The following ZNF536 variants were observed in gnomAD, a reference collection of about 807,000 sequenced individuals.
ZNF536 encodes zinc finger protein 536.
Under a neutral mutation model 84.5 loss-of-function variants are expected in ZNF536, and 13 were observed. The observed-to-expected ratio is 0.15, with a 90% confidence interval of 0.10 to 0.24. The LOEUF (loss-of-function observed/expected upper bound fraction) is 0.24, where lower values mean the gene tolerates loss of function less well. Ranked by LOEUF, ZNF536 falls within the 10% of genes least tolerant of loss-of-function variation. The pLI is 1.00. For missense variants in ZNF536, 1,536 were observed against 1,747.5 expected (o/e 0.88, Z 2.16); for synonymous variants, 811 against 742.5 (o/e 1.09, Z -1.50).
intron 1 of ZNF536, among the ~76,000 whole-genome samples, chr19:30,679,258 C>A (rs2050874167): frequency 6.6e-6 from 1 of 152,192 alleles, no homozygotes; most frequent in Non-Finnish European, 1.5e-5. Flanking sequence ...TCAATAGCTG[C>A]TTTCCCTTAA....
intron 2 of ZNF536, among the ~76,000 whole-genome samples, chr19:30,446,077 A>G (rs959586758): frequency 1.3e-5 from 2 of 151,824 alleles, no homozygotes; most frequent in African/African-American, 2.4e-5. Context: ...GAGAAACCCC[A>G]TCTCTACTAA....
intron 1 of ZNF536, among the ~76,000 whole-genome samples, chr19:30,255,048 C>T (rs763802932): frequency 1.3e-5 from 2 of 152,130 alleles, no homozygotes; most frequent in Non-Finnish European, 2.9e-5. Flanking sequence ...CTCGGCTTAG[C>T]CTCTAGTGGG....
intron 2 of ZNF536, among the ~76,000 whole-genome samples, chr19:30,510,663 T>C (rs539079718): frequency 6.6e-6 from 1 of 152,186 alleles, no homozygotes; most frequent in Non-Finnish European, 1.5e-5. Flanking sequence ...TCCTCTATGG[T>C]TGCAAGGAAG....
At chr19:30,617,333 C>CCTTTTTTTTT (rs869192494) in intron 1 of ZNF536, among the ~76,000 whole-genome samples, 2 of 37,710 alleles carry the variant, frequency 5.3e-5, no homozygotes, top group Non-Finnish European at 1.2e-4. Context: ...GAATAGCTTA[C>CCTTTTTTTTT]TTTTTTTTTT....
At chr19:30,348,632 G>A (rs1165061517) in intron 2 of ZNF536, among the ~76,000 whole-genome samples, 1 of 152,098 alleles carries the variant, frequency 6.6e-6, no homozygotes. Flanking sequence ...TCCAGGGCTG[G>A]GACATGAAAG....
chr19:30,545,754 A>G (rs531814473), intron 3 of ZNF536, among the ~76,000 whole-genome samples: 31 of 152,246 alleles, frequency 2.0e-4, no homozygotes, highest in Admixed American at 2.0e-4. Flanking sequence ...TCCTCTGTGC[A>G]TCCCCACAGT....
At chr19:30,227,312 T>C (rs572832412), upstream of ZNF536, among the ~76,000 whole-genome samples, 10 of 152,218 alleles carry the variant, frequency 6.6e-5, no homozygotes, top group South Asian at 2.1e-3. Context: ...ACTGTGTGCC[T>C]GTTGGAGAAC....
At chr19:30,703,634 C>T (rs988102695) in intron 1 of ZNF536, among the ~76,000 whole-genome samples, 4 of 152,310 alleles carry the variant, frequency 2.6e-5, no homozygotes, top group African/African-American at 9.6e-5. Context: ...GCAGGAAGCA[C>T]AGGACAGTGG....
chr19:30,575,070 G>T (rs189612591), intron 1 of ZNF536, among the ~76,000 whole-genome samples: 4 of 152,170 alleles, frequency 2.6e-5, no homozygotes, highest in South Asian at 4.1e-4. Flanking sequence ...CTGTGCAGGG[G>T]ATTACTGAGT....
chr19:30,499,662 C>T (rs758920883), intron 2 of ZNF536, among the ~76,000 whole-genome samples: 138 of 152,282 alleles, frequency 9.1e-4, no homozygotes, highest in Non-Finnish European at 1.7e-3. Context: ...TGTCTTAATA[C>T]GTTTCAAAAT....
intron 1 of ZNF536, among the ~76,000 whole-genome samples, chr19:30,649,942 AT>A (rs2049636186): frequency 6.6e-6 from 1 of 152,098 alleles, no homozygotes; most frequent in Non-Finnish European, 1.5e-5. Context: ...GGAATTGTAG[AT>A]TAGAGACTTT....
intron 2 of ZNF536, chr19:30,296,236 C>A (rs909808017): frequency 1.3e-5 from 2 of 152,448 alleles, no homozygotes; most frequent in East Asian, 3.9e-4. Context: ...AGTAGGATTC[C>A]CTGATTGGTA....
intron 1 of ZNF536, among the ~76,000 whole-genome samples, chr19:30,564,894 C>T (rs1373940431): frequency 1.3e-5 from 2 of 152,108 alleles, no homozygotes; most frequent in Non-Finnish European, 2.9e-5. Flanking sequence ...CCTGCCTGGG[C>T]TCGGCGGGGC....
At chr19:30,469,832 G>A (rs1037499263) in intron 2 of ZNF536, among the ~76,000 whole-genome samples, 9 of 152,112 alleles carry the variant, frequency 5.9e-5, no homozygotes, top group South Asian at 2.1e-4. Flanking sequence ...CTGGAATCTC[G>A]GTGCAGGTTG....
At chr19:30,509,786 C>T (rs905576578) in intron 2 of ZNF536, among the ~76,000 whole-genome samples, 1 of 152,198 alleles carries the variant, frequency 6.6e-6, no homozygotes, top group African/African-American at 2.4e-5. Flanking sequence ...GACTTGTTCA[C>T]CCTACATATC....
At chr19:30,267,445 C>A (rs1490711433) in intron 1 of ZNF536, among the ~76,000 whole-genome samples, 1 of 151,974 alleles carries the variant, frequency 6.6e-6, no homozygotes, top group Non-Finnish European at 1.5e-5. Flanking sequence ...AGGAGGGGGA[C>A]TCTTCTAGCA....
rs1043121234 is a variant in ZNF536, at chr19:30,388,988, G to A, written c.-3+16432G>A. 3.9e-5 allele frequency among the ~76,000 whole-genome samples: 6 copies of A among 152,200 alleles called. No individual in the cohort carries two copies. In the East Asian group the frequency reaches 7.7e-4, roughly 20 times the overall value. ...AGCAAGTGTAGCCCCTTCAGGAGGT[G>A]TAAAGGCTTGACGACCTGTGAGGAA... On this transcript the variant is annotated intron_variant, in intron 1 of 4. Transcript: ENST00000355537.
At chr19:30,698,023 G>C (rs1448200488) in intron 1 of ZNF536, among the ~76,000 whole-genome samples, 1 of 152,226 alleles carries the variant, frequency 6.6e-6, no homozygotes, top group African/African-American at 2.4e-5. Context: ...GGGATGTGGT[G>C]CTTCACGCCT....
intron 3 of ZNF536, among the ~76,000 whole-genome samples, chr19:30,354,820 G>T (rs1297863909): frequency 2.0e-5 from 3 of 152,120 alleles, no homozygotes; most frequent in African/African-American, 7.2e-5. Flanking sequence ...TGACTTTCAG[G>T]CTCTAGACCA....
Sources: allele counts gnomAD v4.1 joint callset (sites outside exome capture counted in the v4.1 genomes callset), GRCh38; gene constraint gnomAD v4.1.1; transcripts MANE v1.5; gene names NCBI Gene and HGNC (gene_info 2026-07-23, HGNC 2026-07-21).